The following DLG2 variants were observed in gnomAD, a reference collection of about 807,000 sequenced individuals.
The protein encoded by DLG2 is discs large MAGUK scaffold protein 2.
In DLG2, 45 loss-of-function variants were observed where a neutral mutation model predicts 132.5. The ratio of observed to expected loss-of-function variants is 0.34; its 90% confidence interval spans 0.27 to 0.44. DLG2 has a LOEUF of 0.44. Ranked by LOEUF, DLG2 falls within the 20% of genes least tolerant of loss-of-function variation. The pLI is 1.00. For synonymous variants in DLG2, 424 were observed against 419.6 expected, an observed-to-expected ratio of 1.01 and a Z score of -0.13; for missense variants, 1,045 against 1,196.9, an observed-to-expected ratio of 0.87 and a Z score of 1.87.
At chr11:84,514,043 C>T (rs1482422102) in intron 7 of DLG2, among the ~76,000 whole-genome samples, 1 of 152,024 alleles carries the variant, frequency 6.6e-6, no homozygotes, top group South Asian at 2.1e-4. Flanking sequence ...TACGAATAGA[C>T]ATTTCTCAAA....
intron 6 of DLG2, among the ~76,000 whole-genome samples, chr11:84,560,191 G>A (rs1006899885): frequency 6.6e-6 from 1 of 152,080 alleles, no homozygotes. Flanking sequence ...AATTTAGTAG[G>A]AAAGCCACAT....
intron 18 of DLG2, among the ~76,000 whole-genome samples, chr11:83,736,472 T>C (rs1365721101): frequency 6.6e-6 from 1 of 152,156 alleles, no homozygotes; most frequent in African/African-American, 2.4e-5. Flanking sequence ...ACAGAGATTC[T>C]GCAATGTCTT....
intron 6 of DLG2, among the ~76,000 whole-genome samples, chr11:85,013,434 A>G (rs117199765): frequency 0.017 from 2,562 of 152,290 alleles, 39 homozygotes; most frequent in Admixed American, 0.04. Flanking sequence ...TGCCCCAGCT[A>G]GAAAGATAAA....
At chr11:85,626,905 T>C (rs944704589) in intron 1 of DLG2, among the ~76,000 whole-genome samples, 152 bp from the exon 2 acceptor site, 5 of 152,352 alleles carry the variant, frequency 3.3e-5, no homozygotes, top group East Asian at 3.9e-4. Flanking sequence ...GGGAAAATTA[T>C]TGTAAACATG....
chr11:85,591,370 G>A (rs2079320549), intron 3 of DLG2, among the ~76,000 whole-genome samples: 1 of 152,126 alleles, frequency 6.6e-6, no homozygotes, highest in South Asian at 2.1e-4. Context: ...CCTGTTCCAG[G>A]CAGATCCATT....
At chr11:84,807,223 A>G (rs1305722101) in intron 6 of DLG2, among the ~76,000 whole-genome samples, 1 of 152,206 alleles carries the variant, frequency 6.6e-6, no homozygotes, top group Non-Finnish European at 1.5e-5. Flanking sequence ...AGGCAGGCAG[A>G]TCACCTGAGG....
At chr11:84,105,198 A>G (rs2092817047) in intron 9 of DLG2, among the ~76,000 whole-genome samples, 1 of 152,170 alleles carries the variant, frequency 6.6e-6, no homozygotes, top group Non-Finnish European at 1.5e-5. Context: ...TATCATGAAA[A>G]TATTTCAAAA....
intron 8 of DLG2, among the ~76,000 whole-genome samples, chr11:84,234,326 TA>T (rs1165487761): frequency 6.6e-6 from 1 of 152,186 alleles, no homozygotes; most frequent in Non-Finnish European, 1.5e-5. Flanking sequence ...ACTCCTGCTG[TA>T]AAACTTGCCT....
At chr11:85,116,442 C>T (rs993313251) in intron 5 of DLG2, among the ~76,000 whole-genome samples, 3 of 151,774 alleles carry the variant, frequency 2.0e-5, no homozygotes, top group Non-Finnish European at 4.4e-5. Flanking sequence ...TCTACATACA[C>T]ATCATGTGTT....
At chr11:84,604,692 T>C in intron 6 of DLG2, among the ~76,000 whole-genome samples, 1 of 151,958 alleles carries the variant, frequency 6.6e-6, no homozygotes, top group East Asian at 1.9e-4. Flanking sequence ...TGACGGGAAA[T>C]GACAAGGTCA....
intron 18 of DLG2, among the ~76,000 whole-genome samples, chr11:83,750,995 T>C (rs1194400920): frequency 1.3e-5 from 2 of 152,220 alleles, no homozygotes; most frequent in African/African-American, 4.8e-5. Flanking sequence ...CTCACTGAAC[T>C]TCTCTTCTAA....
At chr11:85,039,252 T>C (rs1399521749) in intron 6 of DLG2, among the ~76,000 whole-genome samples, 1 of 101,924 alleles carries the variant, frequency 9.8e-6, no homozygotes, top group Non-Finnish European at 2.0e-5. Context: ...AGACATTCAG[T>C]CTCTAAACAA....
At chr11:84,993,841 A>G (rs2057379290) in intron 6 of DLG2, among the ~76,000 whole-genome samples, 1 of 152,146 alleles carries the variant, frequency 6.6e-6, no homozygotes, top group Non-Finnish European at 1.5e-5. Flanking sequence ...GGACTGGCAG[A>G]GCAGAATATC....
intron 15 of DLG2, among the ~76,000 whole-genome samples, chr11:83,899,147 G>A (rs1250128222): frequency 6.6e-6 from 1 of 151,638 alleles, no homozygotes; most frequent in Non-Finnish European, 1.5e-5. Flanking sequence ...ACTTACTCTT[G>A]TTGCTAAATC....
intron 9 of DLG2, among the ~76,000 whole-genome samples, chr11:84,121,743 A>G (rs946493585): frequency 1.3e-5 from 2 of 151,034 alleles, no homozygotes; most frequent in Non-Finnish European, 3.0e-5. Context: ...TTGTATTTTT[A>G]GTAGAGACGG....
chr11:84,826,002 T>TG, intron 6 of DLG2, among the ~76,000 whole-genome samples: 1 of 151,852 alleles, frequency 6.6e-6, no homozygotes, highest in East Asian at 1.9e-4. Flanking sequence ...TGTTTATTTT[T>TG]GGGGGGTTTG....
At chr11:84,817,195 A>G (rs1428154879) in intron 6 of DLG2, among the ~76,000 whole-genome samples, 1 of 152,056 alleles carries the variant, frequency 6.6e-6, no homozygotes, top group African/African-American at 2.4e-5. Context: ...TGATGCTTAC[A>G]TTGTGCAGGA....
chr11:85,128,902 T>C (rs1278668639), intron 5 of DLG2, among the ~76,000 whole-genome samples: 1 of 152,182 alleles, frequency 6.6e-6, no homozygotes, highest in Non-Finnish European at 1.5e-5. Flanking sequence ...TACACATTTT[T>C]CCATATACCA....
intron 7 of DLG2, among the ~76,000 whole-genome samples, chr11:84,269,986 T>C (rs1355577702): frequency 1.3e-5 from 2 of 152,170 alleles, no homozygotes; most frequent in Admixed American, 1.3e-4. Context: ...TGACACATAG[T>C]AGGGGCTCTA....
Sources: allele counts gnomAD v4.1 joint callset (sites outside exome capture counted in the v4.1 genomes callset), GRCh38; gene constraint gnomAD v4.1.1; transcripts MANE v1.5; gene names NCBI Gene and HGNC (gene_info 2026-07-23, HGNC 2026-07-21).